Variants in CTNNA3 observed in about 807,000 individuals in gnomAD.
The protein encoded by CTNNA3 is catenin alpha 3.
CTNNA3 carries 76 observed loss-of-function variants against 95.7 expected under a neutral mutation model. That is an observed-to-expected ratio of 0.79 (90% CI 0.66 to 0.96). CTNNA3 has a LOEUF of 0.96. Among genes scored for constraint, CTNNA3 ranks in the 40% least tolerant of loss-of-function variants. The pLI, the probability that CTNNA3 is intolerant of heterozygous loss-of-function variation, is 0.00. For synonymous variants in CTNNA3, 431 were observed against 374.4 expected (o/e 1.15, Z -1.74); for missense variants, 1,191 against 1,089.8 (o/e 1.09, Z -1.31).
intron 5 of CTNNA3, among the ~76,000 whole-genome samples, chr10:67,244,158 A>T (rs1589078235): frequency 6.6e-6 from 1 of 152,214 alleles, no homozygotes; most frequent in Non-Finnish European, 1.5e-5. Flanking sequence ...ATCTTCCCTG[A>T]CTAGGCTAAG....
At chr10:67,509,599 T>A (rs1839542892) in intron 5 of CTNNA3, among the ~76,000 whole-genome samples, 2 of 152,230 alleles carry the variant, frequency 1.3e-5, no homozygotes, top group African/African-American at 4.8e-5. Context: ...CACTGATGAA[T>A]ATTTGGGTTG....
intron 16 of CTNNA3, among the ~76,000 whole-genome samples, chr10:65,980,795 C>G (rs2078305236): frequency 6.6e-6 from 1 of 151,982 alleles, no homozygotes; most frequent in Non-Finnish European, 1.5e-5. Context: ...TCCAGCATCC[C>G]TTTATGATTA....
chr10:66,087,321 G>T (rs994253294), intron 14 of CTNNA3, among the ~76,000 whole-genome samples: 1 of 151,898 alleles, frequency 6.6e-6, no homozygotes, highest in Non-Finnish European at 1.5e-5. Flanking sequence ...TAAACTTTCC[G>T]CTCTTAAACC....
rs566110952 is a variant in CTNNA3 at position 67,757,478 on chromosome 10, A to G, written c.-2+5956T>C. ...GACTGAGAGAGGCAGACCCACCCTC[A>G]CTCTGGGTGGGCACCATCTAATCAG... On this transcript the variant is annotated intron_variant, in intron 1 of 17. Transcript: ENST00000684154. Among the ~76,000 whole-genome samples the G allele has an allele frequency of 2.6e-5, 4 of 152,220 alleles. No individual in the cohort carries two copies. The East Asian group carries it at 7.7e-4, about 29-fold the overall frequency.
chr10:67,265,640 A>G (rs1245786682), intron 5 of CTNNA3, among the ~76,000 whole-genome samples: 1 of 152,114 alleles, frequency 6.6e-6, no homozygotes, highest in Non-Finnish European at 1.5e-5. Context: ...CGCATTTTCC[A>G]TGGGATAAAT....
intron 9 of CTNNA3, among the ~76,000 whole-genome samples, chr10:66,684,908 TA>T (rs5785778): frequency 0.55 from 83,794 of 151,222 alleles, 23,972 homozygotes; most frequent in African/African-American, 0.68. Flanking sequence ...GTGATGATTC[TA>T]AAAAAATTAT....
chr10:67,654,255 G>A (rs1320330565), intron 1 of CTNNA3, among the ~76,000 whole-genome samples: 2 of 152,152 alleles, frequency 1.3e-5, no homozygotes, highest in African/African-American at 4.8e-5. Context: ...TTGGCGAGTA[G>A]AGCCTACTTT....
intron 13 of CTNNA3, among the ~76,000 whole-genome samples, chr10:66,125,311 T>C (rs1393966449): frequency 6.6e-6 from 1 of 152,170 alleles, no homozygotes; most frequent in Non-Finnish European, 1.5e-5. Flanking sequence ...AAATGAATGA[T>C]AGCAATATTA....
intron 1 of CTNNA3, among the ~76,000 whole-genome samples, chr10:67,729,494 C>T (rs1185230889): frequency 6.6e-6 from 1 of 151,962 alleles, no homozygotes; most frequent in African/African-American, 2.4e-5. Context: ...CAAAAATTGT[C>T]CTAATTTAAT....
At chr10:67,178,385 T>A (rs1445678050) in intron 7 of CTNNA3, among the ~76,000 whole-genome samples, 1 of 152,188 alleles carries the variant, frequency 6.6e-6, no homozygotes. Context: ...ATAGTCACTT[T>A]ATAAGTACCT....
At chr10:65,992,997 T>G (rs2078575936) in intron 15 of CTNNA3, among the ~76,000 whole-genome samples, 1 of 152,164 alleles carries the variant, frequency 6.6e-6, no homozygotes, top group Non-Finnish European at 1.5e-5. Flanking sequence ...CTTCATTGAC[T>G]TGATGCTTGT....
intron 7 of CTNNA3, among the ~76,000 whole-genome samples, chr10:66,970,384 T>C (rs1849650027): frequency 1.3e-5 from 2 of 152,026 alleles, no homozygotes. Context: ...CTTCTCGATA[T>C]ACAGCAGATA....
At chr10:66,907,535 G>T (rs1159637581) in intron 7 of CTNNA3, among the ~76,000 whole-genome samples, 2 of 152,066 alleles carry the variant, frequency 1.3e-5, no homozygotes, top group Non-Finnish European at 2.9e-5. Flanking sequence ...CTTATTTTGA[G>T]AGGATTTCCA....
chr10:66,895,752 G>C (rs757872937), intron 7 of CTNNA3, among the ~76,000 whole-genome samples: 1 of 151,926 alleles, frequency 6.6e-6, no homozygotes, highest in Non-Finnish European at 1.5e-5. Flanking sequence ...TACACATAAA[G>C]CACTAGAACA....
At chr10:65,996,333 C>T (rs1335051208) in intron 15 of CTNNA3, among the ~76,000 whole-genome samples, 1 of 152,108 alleles carries the variant, frequency 6.6e-6, no homozygotes, top group African/African-American at 2.4e-5. Context: ...CTTGCTTTGC[C>T]TGCTACACCA....
At chr10:66,939,026 G>C (rs1417422799) in intron 7 of CTNNA3, among the ~76,000 whole-genome samples, 1 of 152,086 alleles carries the variant, frequency 6.6e-6, no homozygotes, top group Non-Finnish European at 1.5e-5. Flanking sequence ...GATGCATTCT[G>C]AGGCCTCTCC....
intron 7 of CTNNA3, among the ~76,000 whole-genome samples, chr10:66,783,676 C>T (rs184264069): frequency 3.3e-5 from 5 of 152,254 alleles, no homozygotes; most frequent in Admixed American, 2.0e-4. Context: ...TATTCAGAAC[C>T]ACTACCAGAG....
intron 5 of CTNNA3, among the ~76,000 whole-genome samples, chr10:67,399,698 G>T (rs1844847145): frequency 6.6e-6 from 1 of 152,066 alleles, no homozygotes. Flanking sequence ...TCAACTGTTG[G>T]AGATCTTTTC....
At chr10:66,069,529 T>C (rs770443052) in intron 14 of CTNNA3, 40 bp from the exon 15 acceptor site, 21 of 1,479,792 alleles carry the variant, frequency 1.4e-5, no homozygotes, top group South Asian at 8.9e-5. Flanking sequence ...CATTCCACTA[T>C]GTCAAAAGCA....
Sources: allele counts gnomAD v4.1 joint callset (sites outside exome capture counted in the v4.1 genomes callset), GRCh38; gene constraint gnomAD v4.1.1; transcripts MANE v1.5; gene names NCBI Gene and HGNC (gene_info 2026-07-23, HGNC 2026-07-21).